The following MEI1 variants were observed in gnomAD, a reference collection of about 807,000 sequenced individuals.
MEI1 encodes meiotic double-stranded break formation protein 1, also known as meiosis inhibitor protein 1.
In MEI1, 103 loss-of-function variants were observed where a neutral mutation model predicts 146.2. The ratio of observed to expected loss-of-function variants is 0.70; its 90% confidence interval spans 0.60 to 0.83. The LOEUF (loss-of-function observed/expected upper bound fraction) is 0.83. MEI1 is among the 40% of genes least tolerant of loss of function. The pLI is 0.00. For synonymous variants in MEI1, 652 were observed against 628.2 expected, an observed-to-expected ratio of 1.04 and a Z score of -0.57; for missense variants, 1,529 against 1,533.0, an observed-to-expected ratio of 1.00 and a Z score of 0.04.
intron 11 of MEI1, 22 bp from the exon 12 acceptor site, chr22:41,743,058 G>A (rs1292402699): frequency 1.3e-6 from 2 of 1,584,990 alleles, no homozygotes; most frequent in Non-Finnish European, 1.7e-6. Context: ...CCGTGAACCT[G>A]CTTTTGTCTC....
At position 41,703,463 on chromosome 22, in the gene MEI1, A is replaced by G; in HGVS notation, c.298+9A>G. Reference sequence around the variant, plus strand: ...CATAAGTGTGCTTTTTGGTAAGATTAAGAGGGAAATTTGACATGAGTTTTG... The same window carrying G: ...CATAAGTGTGCTTTTTGGTAAGATTGAGAGGGAAATTTGACATGAGTTTTG... On this transcript the variant is annotated intron_variant, in intron 2 of 30. Transcript: ENST00000401548. 1.3e-6 allele frequency: 2 copies of G among 1,556,178 alleles called. No individual in the cohort carries two copies. The highest frequency in any genetic ancestry group is 2.1e-5 in the Admixed American group (1 of 47,902).
intron 3 of MEI1, among the ~76,000 whole-genome samples, chr22:41,708,564 A>G (rs1261015413): frequency 3.3e-5 from 5 of 152,366 alleles, no homozygotes; most frequent in East Asian, 3.9e-4. Context: ...TCGGAAAGCC[A>G]CTATAAAACC....
chr22:41,729,769 TGACATCCCAGGTAG>T lies in MEI1; in HGVS notation c.971_979+5del, dbSNP rs2071690712. The stretch of plus-strand genomic sequence containing the variant: ...AGCATGCGTCAGCCTTCATCCACGC[TGACATCCCAGGTAG>T]GGGAACACTTCTAACCTTCTCCTCC... On this transcript the variant is annotated splice_donor_variant and splice_donor_region_variant and coding_sequence_variant and intron_variant, in exon 8 of 31. Coordinates refer to ENST00000401548, the MANE Select transcript of MEI1 (RefSeq NM_152513.4). LOFTEE classifies it high-confidence loss of function. 3 of 1,604,906 alleles carry T rather than the reference TGACATCCCAGGTAG, an allele frequency of 1.9e-6. No homozygotes were observed. The highest frequency in any genetic ancestry group is 2.6e-6 in the Non-Finnish European group (3 of 1,176,278).
At position 41,781,773 on chromosome 22, in the gene MEI1, G is replaced by A. The variant is rs1036729808; in HGVS notation, c.3015G>A (p.Arg1005=). ...CCTTGGCAAAGGCAGATTCTCCCAGGACTGCACTCCTCTGCTCTGCCTGGC... is the reference window on the plus strand; with the variant it reads ...CCTTGGCAAAGGCAGATTCTCCCAGAACTGCACTCCTCTGCTCTGCCTGGC... ...ALTLAKADSP[R]TALLCSAWLL... Residue 1005 remains arginine, a synonymous_variant, in exon 24 of 31, where the codon AGG becomes AGA. Coordinates refer to ENST00000401548, the MANE Select transcript of MEI1 (RefSeq NM_152513.4). 2 of 1,613,998 alleles carry A rather than the reference G, an allele frequency of 1.2e-6. No homozygotes were observed. Among genetic ancestry groups the A allele is most frequent in the Non-Finnish European group, 1.7e-6 (2 of 1,179,898 alleles).
chr22:41,795,671 A>G lies in MEI1; in HGVS notation c.3667-64A>G. 1 of 1,588,836 alleles carries G rather than the reference A, an allele frequency of 6.3e-7. No homozygotes were observed. The highest frequency in any genetic ancestry group is 8.6e-7 in the Non-Finnish European group (1 of 1,163,126). ...GGAGGGAAGTACAGAGGATGGAGGC[A>G]GTTAGGGCCTGTGTGGAATGGGCAC... On this transcript the variant is annotated intron_variant, in intron 29 of 30. Transcript: ENST00000401548. This position sits in a 1 kb window ranked among gnomAD's most constrained non-coding sequence, Gnocchi z 4.2.
At chr22:41,761,378 A>C (rs1270571006) in intron 18 of MEI1, among the ~76,000 whole-genome samples, 1 of 147,798 alleles carries the variant, frequency 6.8e-6, no homozygotes, top group African/African-American at 2.5e-5. Context: ...GCAGTGGCCC[A>C]ATCTCGGCTC....
chr22:41,731,531 A>G (rs2071865931), intron 9 of MEI1, among the ~76,000 whole-genome samples: 1 of 148,380 alleles, frequency 6.7e-6, no homozygotes, highest in Non-Finnish European at 1.5e-5. Context: ...ATTTTTTTGT[A>G]TTTTTAGTAG....
chr22:41,748,008 G>A, intron 14 of MEI1, 99 bp from the exon 15 acceptor site: 1 of 777,130 alleles, frequency 1.3e-6, no homozygotes. Context: ...TGTCTTTCAA[G>A]TGAAAGGAGT....
At chr22:41,713,579 G>C (rs2069809453) in intron 3 of MEI1, among the ~76,000 whole-genome samples, 1 of 151,580 alleles carries the variant, frequency 6.6e-6, no homozygotes, top group Admixed American at 6.6e-5. Flanking sequence ...CAGAGTTTTT[G>C]CTCTCGTTGC....
At position 41,745,954 on chromosome 22, in the gene MEI1, G is replaced by A. The variant is rs528847591; in HGVS notation, c.1608G>A (p.Lys536=). Residue 536 remains lysine (K), a synonymous_variant, in exon 14 of 31, where the codon AAG becomes AAA. Coordinates refer to ENST00000401548, the MANE Select transcript of MEI1 (RefSeq NM_152513.4). ...CATTCACAGCTCCCAGCGCCAAGAA[G>A]GAAGACACCTTGGAGGCCTTCTCAG... The part of the protein sequence containing the change: ...ENPFTAPSAK[K]EDTLEAFSEF... 6.2e-7 allele frequency: 1 copy of A among 1,613,610 alleles called. No individual in the cohort carries two copies. Among genetic ancestry groups the A allele is most frequent in the Middle Eastern group, 1.7e-4 (1 of 6,060 alleles).
rs111880200 is a variant in MEI1, at chr22:41,744,363, G to A, written c.1447-610G>A. Among the ~76,000 whole-genome samples the A allele has an allele frequency of 3.3e-5, 5 of 152,006 alleles. No individual in the cohort carries two copies. The South Asian group carries it at 8.3e-4, about 25-fold the overall frequency. On this transcript the variant is annotated intron_variant, in intron 12 of 30. Transcript: ENST00000401548. Reference sequence around the variant, plus strand: ...TTTTTTTTGTATTTTTAGTAGAGACGGGGTTTCACTATGTTAGCCAGGATG... The same window carrying A: ...TTTTTTTTGTATTTTTAGTAGAGACAGGGTTTCACTATGTTAGCCAGGATG...
intron 11 of MEI1, among the ~76,000 whole-genome samples, chr22:41,735,751 T>A (rs1331622331): frequency 6.6e-6 from 1 of 152,150 alleles, no homozygotes; most frequent in Non-Finnish European, 1.5e-5. Flanking sequence ...ATCTGTTGAC[T>A]CCATCACCTT....
intron 6 of MEI1, 37 bp downstream of exon 6, chr22:41,718,311 T>G (rs2070398862): frequency 6.9e-6 from 11 of 1,589,510 alleles, no homozygotes; most frequent in Non-Finnish European, 9.4e-6. Flanking sequence ...GGAGAATAAG[T>G]TTTTGACATT....
rs1289343731 is a variant in MEI1, at chr22:41,789,157, A to G, written c.3345+4374A>G. ...AAACCTCATCTCTACTAAAAATACAAAAAAATTAGCCGGGCGTGGTGGCGC... is the reference window on the plus strand; with the variant it reads ...AAACCTCATCTCTACTAAAAATACAGAAAAATTAGCCGGGCGTGGTGGCGC... On this transcript the variant is annotated intron_variant, in intron 26 of 30. Transcript: ENST00000401548. 7.2e-5 allele frequency among the ~76,000 whole-genome samples: 11 copies of G among 152,186 alleles called. No individual in the cohort carries two copies. The South Asian group carries it at 1.0e-3, about 14-fold the overall frequency.
chr22:41,793,871 G>A lies in MEI1; in HGVS notation c.3388G>A (p.Ala1130Thr). 1.2e-6 allele frequency: 2 copies of A among 1,612,818 alleles called. No homozygotes were observed. The highest frequency in any genetic ancestry group is 1.7e-6 in the Non-Finnish European group (2 of 1,179,636). ...LSQACVGCLE[A>T]LLDYLDARSP... ...CCAGGCCTGTGTTGGCTGCCTGGAGGCCTTGCTTGACTACCTGGATGCCCG... is the reference window on the plus strand; with the variant it reads ...CCAGGCCTGTGTTGGCTGCCTGGAGACCTTGCTTGACTACCTGGATGCCCG... Residue 1130 changes from alanine (A) to threonine (T), a missense_variant, in exon 27 of 31, where the codon GCC (alanine) becomes ACC (threonine). Ala to Thr is a moderately conservative substitution (Grantham distance 58). Coordinates refer to ENST00000401548, the MANE Select transcript of MEI1 (RefSeq NM_152513.4).
rs2071690371 is a variant in MEI1, at chr22:41,729,766, CG to C, written c.967del (p.Ala323LeufsTer26). On this transcript the variant is annotated frameshift_variant, in exon 8 of 31. Coordinates refer to ENST00000401548, the MANE Select transcript of MEI1 (RefSeq NM_152513.4). LOFTEE classifies it high-confidence loss of function. Reference protein sequence around the residue: ...PAKHASAFIHADIPEFLFEHL... With the variant: ...PAKHASAFIHXDIPEFLFEHL... ...CAAAGCATGCGTCAGCCTTCATCCA[CG>C]CTGACATCCCAGGTAGGGGAACACT... 1.9e-6 allele frequency: 3 copies of C among 1,605,196 alleles called. No individual in the cohort carries two copies. The highest frequency in any genetic ancestry group is 2.6e-6 in the Non-Finnish European group (3 of 1,176,300).
At chr22:41,744,844 CTTGGAAAGTTAGG>C in intron 12 of MEI1, 116 bp from the exon 13 acceptor site, 2 of 430,262 alleles carry the variant, frequency 4.6e-6, no homozygotes, top group Non-Finnish European at 4.1e-6. Context: ...GCCAAGATCT[CTTGGAAAGTTAGG>C]TGTATGGGAA....
At chr22:41,704,064 G>T (rs532836975) in intron 2 of MEI1, among the ~76,000 whole-genome samples, 4 of 152,132 alleles carry the variant, frequency 2.6e-5, no homozygotes, top group African/African-American at 7.2e-5. Flanking sequence ...GCTGACCTAG[G>T]TATGACCCTG....
At chr22:41,788,670 A>T (rs1382964778) in intron 26 of MEI1, among the ~76,000 whole-genome samples, 1 of 151,422 alleles carries the variant, frequency 6.6e-6, no homozygotes, top group Non-Finnish European at 1.5e-5. Flanking sequence ...CAAACTCCCA[A>T]CCTTAGGTGA....
Sources: allele counts gnomAD v4.1 joint callset (sites outside exome capture counted in the v4.1 genomes callset), GRCh38; gene constraint gnomAD v4.1.1; non-coding constraint Gnocchi (gnomAD v3.1); transcripts MANE v1.5; gene names NCBI Gene and HGNC (gene_info 2026-07-23, HGNC 2026-07-21).